The following LSAMP variants were observed in gnomAD, a reference collection of about 807,000 sequenced individuals.
LSAMP encodes limbic system associated membrane protein.
Under a neutral mutation model 38.6 loss-of-function variants are expected in LSAMP, and 7 were observed. The observed-to-expected ratio is 0.18, with a 90% confidence interval of 0.10 to 0.34. The LOEUF is 0.34. LSAMP is among the 10% of genes least tolerant of loss of function. LSAMP has a pLI of 1.00. For synonymous variants in LSAMP, 154 were observed against 166.8 expected, an observed-to-expected ratio of 0.92 and a Z score of 0.59; for missense variants, 313 against 420.0, an observed-to-expected ratio of 0.75 and a Z score of 2.23.
rs370525004 is a variant in LSAMP, at chr3:116,105,554, C to T, written c.156-18998G>A. ...GGGGTTGTTCTCTGGTGGGCAGGGG[C>T]GGGGGTCACAAGGTGCTCAGTGGGG... On this transcript the variant is annotated intron_variant, in intron 1 of 6. Coordinates refer to ENST00000490035, the MANE Select transcript of LSAMP (RefSeq NM_002338.5). Among the ~76,000 whole-genome samples, 380 of 149,362 alleles carry T rather than the reference C, an allele frequency of 2.5e-3. 1 individual carries two copies. The highest frequency in any genetic ancestry group is 8.9e-3 in the African/African-American group (360 of 40,392).
chr3:116,027,214 C>A (rs1230409803), intron 2 of LSAMP, among the ~76,000 whole-genome samples: 1 of 152,168 alleles, frequency 6.6e-6, no homozygotes, highest in Admixed American at 6.6e-5. Context: ...CAGCTGACTT[C>A]CCCACTTGTG....
intron 3 of LSAMP, among the ~76,000 whole-genome samples, chr3:115,887,357 T>TA (rs1936482217): frequency 6.6e-6 from 1 of 151,570 alleles, no homozygotes; most frequent in South Asian, 2.1e-4. Flanking sequence ...TTTTATCTTA[T>TA]AATATGAAAT....
At chr3:116,021,424 C>T (rs756508189) in intron 2 of LSAMP, among the ~76,000 whole-genome samples, 2 of 151,876 alleles carry the variant, frequency 1.3e-5, no homozygotes, top group Admixed American at 6.6e-5. Flanking sequence ...CCAATTATTC[C>T]GTTATTTCGA....
chr3:116,168,958 T>G (rs1710128377), intron 1 of LSAMP, among the ~76,000 whole-genome samples: 1 of 152,146 alleles, frequency 6.6e-6, no homozygotes, highest in Admixed American at 6.6e-5. Context: ...ACCAGTACCC[T>G]GGGAGGCTGA....
chr3:116,444,811 A>AC (rs111972218), intron 1 of LSAMP, 66 bp downstream of exon 1: 2 of 713,286 alleles, frequency 2.8e-6, no homozygotes, highest in African/African-American at 2.7e-5. Flanking sequence ...CACACACACA[A>AC]ACACACACAC....
At chr3:116,343,516 T>C (rs2048024070) in intron 1 of LSAMP, among the ~76,000 whole-genome samples, 1 of 152,118 alleles carries the variant, frequency 6.6e-6, no homozygotes, top group African/African-American at 2.4e-5. Flanking sequence ...GGAAACAAGA[T>C]AGTCACCTGA....
intron 3 of LSAMP, among the ~76,000 whole-genome samples, chr3:115,860,993 G>A (rs1025737843): frequency 6.6e-6 from 1 of 151,956 alleles, no homozygotes; most frequent in African/African-American, 2.4e-5. Context: ...CACCCACAGG[G>A]TACTGAGTAC....
At chr3:115,940,313 T>C (rs565778266) in intron 3 of LSAMP, among the ~76,000 whole-genome samples, 99 of 6,050 alleles carry the variant, frequency 0.016, 1 homozygote, top group Admixed American at 0.081. Flanking sequence ...CCCGCCCACG[T>C]CCTACTGATG....
chr3:116,073,360 C>A (rs899451725), intron 2 of LSAMP, among the ~76,000 whole-genome samples: 1 of 152,132 alleles, frequency 6.6e-6, no homozygotes, highest in Admixed American at 6.6e-5. Flanking sequence ...ATGCCTCCAG[C>A]TTTATCCTTT....
intron 1 of LSAMP, among the ~76,000 whole-genome samples, chr3:116,427,371 C>A (rs2049215028): frequency 6.6e-6 from 1 of 151,946 alleles, no homozygotes; most frequent in Non-Finnish European, 1.5e-5. Context: ...CCACCCGCCT[C>A]GGCCTCCCAA....
chr3:115,932,904 C>T (rs1937603828), intron 3 of LSAMP, among the ~76,000 whole-genome samples: 1 of 152,270 alleles, frequency 6.6e-6, no homozygotes, highest in African/African-American at 2.4e-5. Context: ...CTGTCAGAAA[C>T]ATCTCTTCCT....
rs1361195827 is a variant in LSAMP at position 115,806,414 on chromosome 3, A to G, written c.*3903T>C. On this transcript the variant is annotated 3_prime_UTR_variant, in exon 7 of 7. Transcript: ENST00000490035. Reference sequence around the variant, plus strand: ...AAATTCAGGGAGAATAGCCAATAGAAACAGTGAAACCACAACCAACTCAGG... The same window carrying G: ...AAATTCAGGGAGAATAGCCAATAGAGACAGTGAAACCACAACCAACTCAGG... 1 of 152,238 alleles carries G rather than the reference A, an allele frequency of 6.6e-6. No individual in the cohort carries two copies. The highest frequency in any genetic ancestry group is 1.5e-5 in the Non-Finnish European group (1 of 68,044). The allele number at this position is 152,238 out of a possible 1,614,324, so 9.4% of individuals were successfully genotyped here. A position where few individuals can be genotyped will look rare whatever the true frequency, so the allele number is the denominator to read the frequency against.
chr3:116,367,187 AAT>A (rs2048365831), intron 1 of LSAMP, among the ~76,000 whole-genome samples: 2 of 152,210 alleles, frequency 1.3e-5, no homozygotes, highest in East Asian at 3.9e-4. Flanking sequence ...ATGTTTCTTG[AAT>A]ATGAGGCATT....
chr3:116,394,103 G>A (rs2107816731), intron 1 of LSAMP, among the ~76,000 whole-genome samples: 1 of 152,124 alleles, frequency 6.6e-6, no homozygotes, highest in South Asian at 2.1e-4. Context: ...TCTTTTTATT[G>A]TGGAAAGCTT....
At chr3:115,914,412 G>A (rs551788781) in intron 3 of LSAMP, among the ~76,000 whole-genome samples, 2 of 152,298 alleles carry the variant, frequency 1.3e-5, no homozygotes, top group East Asian at 3.9e-4. Context: ...AATCCTGTTA[G>A]GTTAGTTTAG....
intron 1 of LSAMP, among the ~76,000 whole-genome samples, chr3:116,409,266 G>T (rs1236457997): frequency 2.0e-5 from 3 of 151,966 alleles, no homozygotes; most frequent in Non-Finnish European, 4.4e-5. Context: ...CCCAAATTTG[G>T]CACAGAGATG....
intron 4 of LSAMP, among the ~76,000 whole-genome samples, chr3:115,848,522 A>G (rs76931909): frequency 0.034 from 5,181 of 152,336 alleles, 115 homozygotes; most frequent in Non-Finnish European, 0.046. Context: ...CACATACATT[A>G]TCTGGAGGCA....
intron 1 of LSAMP, among the ~76,000 whole-genome samples, chr3:116,262,445 C>A (rs2046836897): frequency 6.6e-6 from 1 of 152,158 alleles, no homozygotes; most frequent in Admixed American, 6.5e-5. Context: ...ATATTGAGGT[C>A]TTAAATCCTC....
intron 3 of LSAMP, among the ~76,000 whole-genome samples, chr3:115,979,467 T>A (rs1269561854): frequency 1.3e-5 from 2 of 152,172 alleles, no homozygotes; most frequent in African/African-American, 4.8e-5. Context: ...AAGAGTTAGA[T>A]ACAAGTATTG....
Sources: gnomAD v4.1 joint callset for allele counts (sites outside exome capture counted in the v4.1 genomes callset) on GRCh38, gnomAD v4.1.1 for gene constraint, MANE v1.5 for transcripts, NCBI Gene and HGNC (gene_info 2026-07-23, HGNC 2026-07-21) for gene names.